Variants in FOXK2 observed in about 807,000 individuals in gnomAD.
The protein encoded by FOXK2 is forkhead box protein K2.
A neutral mutation model predicts 53.3 loss-of-function variants in FOXK2; 24 were observed. The observed-to-expected ratio is 0.45, with a 90% CI of 0.33 to 0.63. The LOEUF (loss-of-function observed/expected upper bound fraction) is 0.63, where lower values mean the gene tolerates loss of function less well. Among genes scored for constraint, FOXK2 ranks in the 30% least tolerant of loss-of-function variants. FOXK2 has a pLI of 0.03. For missense variants in FOXK2, 952 were observed against 910.5 expected (o/e 1.05, Z -0.59); for synonymous variants, 505 against 407.1 (o/e 1.24, Z -2.89).
intron 4 of FOXK2, among the ~76,000 whole-genome samples, chr17:82,575,444 C>T (rs2044970873): frequency 6.6e-6 from 1 of 152,158 alleles, no homozygotes; most frequent in South Asian, 2.1e-4. Flanking sequence ...AGCACTAACA[C>T]CTAAAAAGCA....
At chr17:82,563,641 G>A in intron 2 of FOXK2, 93 bp downstream of exon 2, 1 of 1,133,864 alleles carries the variant, frequency 8.8e-7, no homozygotes, top group East Asian at 2.7e-5. Context: ...GACTTATGTG[G>A]AGAGAGAGAA....
intron 4 of FOXK2, among the ~76,000 whole-genome samples, chr17:82,576,350 C>T (rs1206520426): frequency 1.3e-5 from 2 of 152,184 alleles, no homozygotes; most frequent in Non-Finnish European, 2.9e-5. Context: ...GCTCCAGAGG[C>T]GTCTGACTCA....
At chr17:82,529,256 T>C (rs2044448230) in intron 1 of FOXK2, among the ~76,000 whole-genome samples, 1 of 138,204 alleles carries the variant, frequency 7.2e-6, no homozygotes, top group East Asian at 2.2e-4. Flanking sequence ...AGGGTCTTGC[T>C]CTGTTTCCCA....
chr17:82,539,112 C>T (rs558895136), intron 1 of FOXK2, among the ~76,000 whole-genome samples: 1 of 151,802 alleles, frequency 6.6e-6, no homozygotes, highest in South Asian at 2.1e-4. Flanking sequence ...CGTGGTGGCT[C>T]AGGCCTGTCA....
At chr17:82,547,719 T>C (rs1191058501) in intron 1 of FOXK2, among the ~76,000 whole-genome samples, 4 of 152,096 alleles carry the variant, frequency 2.6e-5, no homozygotes, top group African/African-American at 9.7e-5. Flanking sequence ...GAAATCACAA[T>C]CAAAATAATA....
At chr17:82,558,633 C>T (rs1012226888) in intron 1 of FOXK2, among the ~76,000 whole-genome samples, 6 of 152,170 alleles carry the variant, frequency 3.9e-5, no homozygotes, top group South Asian at 2.1e-4. Context: ...CTGGGAGGAC[C>T]GGCGGGGAGT....
At chr17:82,553,353 A>G (rs1194011747) in intron 1 of FOXK2, among the ~76,000 whole-genome samples, 1 of 152,276 alleles carries the variant, frequency 6.6e-6, no homozygotes, top group Non-Finnish European at 1.5e-5. Flanking sequence ...AAGCAGGGCC[A>G]TCCTGGAGGC....
At chr17:82,544,990 G>T (rs190386571) in intron 1 of FOXK2, among the ~76,000 whole-genome samples, 232 of 151,966 alleles carry the variant, frequency 1.5e-3, no homozygotes, top group Middle Eastern at 0.01. Context: ...AAGAATTGTC[G>T]ATCTGCCCCG....
At chr17:82,552,425 A>G (rs1239715567) in intron 1 of FOXK2, among the ~76,000 whole-genome samples, 1 of 152,028 alleles carries the variant, frequency 6.6e-6, no homozygotes, top group Non-Finnish European at 1.5e-5. Flanking sequence ...CTGTGTCCTA[A>G]TGGCCGACCT....
intron 6 of FOXK2, 98 bp downstream of exon 6, chr17:82,584,286 C>G: frequency 7.8e-7 from 1 of 1,288,962 alleles, no homozygotes; most frequent in South Asian, 1.6e-5. Context: ...GGAGGCCTGC[C>G]TGTCCCTCTG....
chr17:82,585,445 C>T (rs2045124105), intron 6 of FOXK2, among the ~76,000 whole-genome samples: 1 of 152,134 alleles, frequency 6.6e-6, no homozygotes, highest in Admixed American at 6.6e-5. Flanking sequence ...CCTCCTCAGT[C>T]TCCTAAATAG....
intron 6 of FOXK2, 98 bp from the exon 7 acceptor site, chr17:82,585,801 TTTAAA>T (rs1349688591): frequency 4.2e-6 from 5 of 1,190,376 alleles, no homozygotes; most frequent in Non-Finnish European, 6.0e-6. Flanking sequence ...TATCCTATAT[TTTAAA>T]TTAAAGTTTG....
chr17:82,577,555 C>T (rs189068932), intron 4 of FOXK2, among the ~76,000 whole-genome samples: 31 of 152,202 alleles, frequency 2.0e-4, no homozygotes, highest in Non-Finnish European at 2.9e-4. Flanking sequence ...AGGGCCCCGC[C>T]GGGCCCTCTG....
chr17:82,539,675 T>C (rs1188662510), intron 1 of FOXK2, among the ~76,000 whole-genome samples: 1 of 150,590 alleles, frequency 6.6e-6, no homozygotes, highest in African/African-American at 2.4e-5. Context: ...AAAAAATATA[T>C]GTAAATGGGC....
Position 82,603,688 on chromosome 17 carries a change from T to C in FOXK2, c.*2189T>C, listed in dbSNP as rs1463823626. The C allele has an allele frequency of 6.6e-6, 1 of 151,214 alleles. No individual in the cohort carries two copies. 9.4% of individuals were successfully genotyped at this position (151,214 alleles called of 1,614,324 possible). A position where few individuals can be genotyped will look rare whatever the true frequency, so the allele number is the denominator to read the frequency against. ...GTTGGGATCACAGGTAAGGAAAATG[T>C]CCATTCAAATGGTAAAGAAGGGAGG... On this transcript the variant is annotated 3_prime_UTR_variant, in exon 9 of 9. Coordinates refer to ENST00000335255, the MANE Select transcript of FOXK2 (RefSeq NM_004514.4).
chr17:82,593,618 C>T (rs2045279167), intron 8 of FOXK2: 1 of 152,330 alleles, frequency 6.6e-6, no homozygotes, highest in Non-Finnish European at 1.5e-5. Flanking sequence ...CTCACAAGGA[C>T]CCTTGCAGAG....
intron 4 of FOXK2, chr17:82,578,723 T>C (rs1434406666): frequency 2.6e-5 from 4 of 152,220 alleles, no homozygotes. Context: ...GGTTAGAATC[T>C]ATTCTGATGC....
At chr17:82,556,567 TGG>T (rs1288562972) in intron 1 of FOXK2, among the ~76,000 whole-genome samples, 2 of 130,540 alleles carry the variant, frequency 1.5e-5, no homozygotes, top group Non-Finnish European at 3.2e-5. Context: ...TTGCTGGGGC[TGG>T]GGCTGGGGCT....
intron 1 of FOXK2, among the ~76,000 whole-genome samples, chr17:82,534,248 A>C (rs1380484633): frequency 6.6e-6 from 1 of 152,046 alleles, no homozygotes; most frequent in Non-Finnish European, 1.5e-5. Context: ...CTCGACTCGA[A>C]AAAAAAAGAA....
Sources: allele counts gnomAD v4.1 joint callset (sites outside exome capture counted in the v4.1 genomes callset), GRCh38; gene constraint gnomAD v4.1.1; transcripts MANE v1.5; gene names NCBI Gene and HGNC (gene_info 2026-07-23, HGNC 2026-07-21).